The following IPO13 variants were observed in gnomAD, a reference collection of about 807,000 sequenced individuals.
IPO13 encodes importin 13, also known as importin-13.
IPO13 carries 28 observed loss-of-function variants against 115.5 expected under a neutral mutation model. The ratio of observed to expected loss-of-function variants is 0.24; its 90% CI spans 0.18 to 0.33. The LOEUF (loss-of-function observed/expected upper bound fraction) is 0.33. Among genes scored for constraint, IPO13 ranks in the 10% least tolerant of loss-of-function variants. IPO13 has a pLI of 1.00. For synonymous variants in IPO13, 414 were observed against 478.9 expected (o/e 0.86, Z 1.77); for missense variants, 785 against 1,204.6 (o/e 0.65, Z 5.16).
chr1:43,966,301 A>T lies in IPO13; in HGVS notation c.2398-274A>T. 1 of 551,814 alleles carries T rather than the reference A, an allele frequency of 1.8e-6. No homozygotes were observed. The highest frequency in any genetic ancestry group is 3.1e-5 in the Admixed American group (1 of 32,458). The allele number at this position is 551,814 out of a possible 1,614,324, so 34.2% of individuals were successfully genotyped here. ...GGAGGGGGAGGGAAAGGTGTCTGGA[A>T]CCCAAACTTTCTGCATTATGATCCC... On this transcript the variant is annotated intron_variant, in intron 15 of 19. Transcript: ENST00000372343. This position sits in a 1 kb window ranked among gnomAD's most constrained non-coding sequence, Gnocchi z 4.1.
intron 15 of IPO13, among the ~76,000 whole-genome samples, chr1:43,964,746 TG>T (rs1308828275): frequency 3.9e-5 from 6 of 152,262 alleles, no homozygotes; most frequent in Non-Finnish European, 7.4e-5. Context: ...AGAGGTAGGC[TG>T]GGAGCAGCTC....
Position 43,967,122 on chromosome 1 carries a change from A to G in IPO13, c.2613+103A>G. The G allele has an allele frequency of 8.3e-7, 1 of 1,210,668 alleles. No individual in the cohort carries two copies. The highest frequency in any genetic ancestry group is 1.2e-6 in the Non-Finnish European group (1 of 824,454). The allele number at this position is 1,210,668 out of a possible 1,614,324, so 75.0% of individuals were successfully genotyped here. A position where few individuals can be genotyped will look rare whatever the true frequency, so the allele number is the denominator to read the frequency against. On this transcript the variant is annotated intron_variant, in intron 18 of 19. Coordinates refer to ENST00000372343, the MANE Select transcript of IPO13 (RefSeq NM_014652.4). The surrounding 1 kb of genome is among the most constrained non-coding windows in gnomAD (Gnocchi z 6.1). ...AGCCTTTGGTCCCCTAAGCTCTCAG[A>G]TTCTGTTTCTTCTTCAATTAAATGC... is the stretch of plus-strand genomic sequence containing the variant.
chr1:43,958,982 G>C lies in IPO13; in HGVS notation c.2028+93G>C. 1.4e-5 allele frequency: 18 copies of C among 1,250,940 alleles called. No individual in the cohort carries two copies. Among genetic ancestry groups the C allele is most frequent in the Non-Finnish European group, 2.1e-5 (18 of 877,804 alleles). The allele number at this position is 1,250,940 out of a possible 1,614,324, so 77.5% of individuals were successfully genotyped here. A position where few individuals can be genotyped will look rare whatever the true frequency, so the allele number is the denominator to read the frequency against. ...TGTCATTGTCACTCTTCAATTCTGT[G>C]GGTAATGTTGTCATTGTTCTCCCTG... On this transcript the variant is annotated intron_variant, in intron 11 of 19. Transcript: ENST00000372343. This position sits in a 1 kb window ranked among gnomAD's most constrained non-coding sequence, Gnocchi z 6.3.
chr1:43,956,552 C>G lies in IPO13; in HGVS notation c.963-8C>G, dbSNP rs2085250093. The G allele has an allele frequency of 1.2e-6, 2 of 1,614,080 alleles. No individual in the cohort carries two copies. The highest frequency in any genetic ancestry group is 1.7e-5 in the Admixed American group (1 of 60,014). On this transcript the variant is annotated splice_polypyrimidine_tract_variant and splice_region_variant and intron_variant, in intron 3 of 19. Transcript: ENST00000372343. The surrounding 1 kb of genome is among the most constrained non-coding windows in gnomAD (Gnocchi z 4.7). Reference sequence around the variant, plus strand: ...TGGAAAGGTAGAATGACCTGACTCTCTCCCCAGGGCCTTGCTGGACCAAGT... The same window carrying G: ...TGGAAAGGTAGAATGACCTGACTCTGTCCCCAGGGCCTTGCTGGACCAAGT...
At chr1:43,949,090 C>T (rs1272571505) in intron 1 of IPO13, among the ~76,000 whole-genome samples, 1 of 152,228 alleles carries the variant, frequency 6.6e-6, no homozygotes, top group East Asian at 1.9e-4. Flanking sequence ...TGAAGCTGTT[C>T]CTTCCACCTG....
rs1416783516 is a variant in IPO13 at position 43,966,782 on chromosome 1, T to G, written c.2523T>G (p.Phe841Leu). ...CTGTCAAGGCCTCCTGTGGCTTCTT[T>G]GTGAGTCCCATGCTGAACCCTGACC... ...APTVKASCGF[F>L]TELLPRCGEV... The change falls in exon 17 of 20, where the codon TTT (phenylalanine) becomes TTG (leucine). Residue 841 changes from phenylalanine (F) to leucine (L), a missense_variant and splice_region_variant. Around this residue, in one of 3 missense-constraint regions of IPO13, gnomAD observed 285 missense variants for 394.8 expected, o/e 0.72. Transcript: ENST00000372343. This position sits in a 1 kb window ranked among gnomAD's most constrained non-coding sequence, Gnocchi z 4.1. 1 of 1,614,094 alleles carries G rather than the reference T, an allele frequency of 6.2e-7. No individual in the cohort carries two copies. Among genetic ancestry groups the G allele is most frequent in the Admixed American group, 1.7e-5 (1 of 60,014 alleles).
Position 43,967,096 on chromosome 1 carries a change from G to C in IPO13, c.2613+77G>C. 1 of 1,375,574 alleles carries C rather than the reference G, an allele frequency of 7.3e-7. No homozygotes were observed. The allele number at this position is 1,375,574 out of a possible 1,614,324, so 85.2% of individuals were successfully genotyped here. A position where few individuals can be genotyped will look rare whatever the true frequency, so the allele number is the denominator to read the frequency against. On this transcript the variant is annotated intron_variant, in intron 18 of 19. Transcript: ENST00000372343. The surrounding 1 kb of genome is among the most constrained non-coding windows in gnomAD (Gnocchi z 6.1). ...AGGCAGCTGGCCTTCTGGGAGGCTT[G>C]AGCCTTTGGTCCCCTAAGCTCTCAG...
In IPO13 at chr1:43,956,555, C is replaced by T. The variant is rs1234850476; in HGVS notation, c.963-5C>T. The T allele has an allele frequency of 1.9e-6, 3 of 1,614,070 alleles. No individual in the cohort carries two copies. The highest frequency in any genetic ancestry group is 3.3e-5 in the Admixed American group (2 of 60,004). Reference sequence around the variant, plus strand: ...AAAGGTAGAATGACCTGACTCTCTCCCCAGGGCCTTGCTGGACCAAGTAGA... The same window carrying T: ...AAAGGTAGAATGACCTGACTCTCTCTCCAGGGCCTTGCTGGACCAAGTAGA... On this transcript the variant is annotated splice_polypyrimidine_tract_variant and splice_region_variant and intron_variant, in intron 3 of 19. Transcript: ENST00000372343. This position sits in a 1 kb window ranked among gnomAD's most constrained non-coding sequence, Gnocchi z 4.7.
chr1:43,949,300 C>A, intron 1 of IPO13, 117 bp from the exon 2 acceptor site: 1 of 1,127,092 alleles, frequency 8.9e-7, no homozygotes, highest in Non-Finnish European at 1.2e-6. Flanking sequence ...GCTCTCCCTG[C>A]TCAGCCCCCC....
In IPO13 at chr1:43,958,698, C is replaced by T; in HGVS notation, c.1885-48C>T. 1 of 1,613,104 alleles carries T rather than the reference C, an allele frequency of 6.2e-7. No individual in the cohort carries two copies. The highest frequency in any genetic ancestry group is 2.2e-5 in the East Asian group (1 of 44,856). ...GAGCTGAGGCTCAGTGATCTGGGGA[C>T]CAAACTGGGGCTGGGAGATCTGGAG... On this transcript the variant is annotated intron_variant, in intron 10 of 19. Transcript: ENST00000372343. The surrounding 1 kb of genome is among the most constrained non-coding windows in gnomAD (Gnocchi z 6.3).
rs2085177166 is a variant in IPO13, at chr1:43,947,702, TG to T, written c.84+21del. The T allele has an allele frequency of 6.3e-6, 8 of 1,262,128 alleles. No individual in the cohort carries two copies. The East Asian group carries it at 2.5e-4, about 40-fold the overall frequency. 78.2% of individuals were successfully genotyped at this position (1,262,128 alleles called of 1,614,324 possible). A position where few individuals can be genotyped will look rare whatever the true frequency, so the allele number is the denominator to read the frequency against. On this transcript the variant is annotated intron_variant, in intron 1 of 19. Coordinates refer to ENST00000372343, the MANE Select transcript of IPO13 (RefSeq NM_014652.4). ...TGGAGAAGGTATGAGGGCTCTGGGG[TG>T]GGCACTCCAGTGACAGAGCAGAAGT... is the stretch of plus-strand genomic sequence containing the variant.
In IPO13 at chr1:43,960,909, A is replaced by T; in HGVS notation, c.2143A>T (p.Thr715Ser). The T allele has an allele frequency of 3.1e-6, 5 of 1,614,130 alleles. No individual in the cohort carries two copies. The highest frequency in any genetic ancestry group is 4.2e-6 in the Non-Finnish European group (5 of 1,180,032). The change falls in exon 13 of 20, where the codon ACG becomes TCG. Residue 715 changes from threonine (T) to serine (S), a missense_variant. Thr to Ser is a moderately conservative substitution (Grantham distance 58). Coordinates refer to ENST00000372343, the MANE Select transcript of IPO13 (RefSeq NM_014652.4). ...CGCTATCTTTGAGAAGTCTGTTAAG[A>T]CGCTGCTGGATGACTTTGCCCCCAT... ...VCAIFEKSVK[T>S]LLDDFAPMVP...
At chr1:43,957,651 T>C (rs2085260464) in intron 7 of IPO13, 102 bp downstream of exon 7, 12 of 1,386,320 alleles carry the variant, frequency 8.7e-6, no homozygotes, top group Middle Eastern at 4.1e-4. Context: ...GAGAGCCACA[T>C]GCCTACACAC....
chr1:43,954,937 G>C (rs557563041), intron 2 of IPO13, among the ~76,000 whole-genome samples: 2 of 152,294 alleles, frequency 1.3e-5, no homozygotes, highest in South Asian at 4.1e-4. Flanking sequence ...GAATCAACTT[G>C]TCTAAGACTG....
rs777193192 is a variant in IPO13, at chr1:43,956,374, A to C, written c.876A>C (p.Gln292His). The C allele has an allele frequency of 1.2e-6, 2 of 1,614,188 alleles. No homozygotes were observed. Among genetic ancestry groups the C allele is most frequent in the South Asian group, 1.1e-5 (1 of 91,082 alleles). ...LIPLVLGLQE[Q>H]LRQAVQNGDM... ...CGCTGGTGCTGGGTCTGCAGGAACA[A>C]CTGCGGCAGGCAGTGCAGAATGGGG... Residue 292 changes from glutamine to histidine, a missense_variant, in exon 3 of 20, where the codon CAA becomes CAC. By Grantham distance (24) the Gln-to-His change is conservative. Around this residue, in one of 3 missense-constraint regions of IPO13, gnomAD observed 325 missense variants for 449.8 expected, o/e 0.72. Transcript: ENST00000372343. This position sits in a 1 kb window ranked among gnomAD's most constrained non-coding sequence, Gnocchi z 4.7.
Position 43,958,217 on chromosome 1 carries a change from C to A in IPO13, c.1723-25C>A. 6.2e-7 allele frequency: 1 copy of A among 1,614,182 alleles called. No individual in the cohort carries two copies. The highest frequency in any genetic ancestry group is 8.5e-7 in the Non-Finnish European group (1 of 1,180,022). ...GAGCACACTCTGCACTGTGCTGATA[C>A]TACATTCCTTCTTTCTCCCCTCAGG... On this transcript the variant is annotated intron_variant, in intron 8 of 19. Transcript: ENST00000372343. This position sits in a 1 kb window ranked among gnomAD's most constrained non-coding sequence, Gnocchi z 6.3.
In IPO13 at chr1:43,958,920, T is replaced by A. The variant is rs776427356; in HGVS notation, c.2028+31T>A. ...TGACATTTGCCCACGGCAAAGACATTTGTCTTTGCCATCCCCCCAACCCCC... is the reference window on the plus strand; with the variant it reads ...TGACATTTGCCCACGGCAAAGACATATGTCTTTGCCATCCCCCCAACCCCC... On this transcript the variant is annotated intron_variant, in intron 11 of 19. Coordinates refer to ENST00000372343, the MANE Select transcript of IPO13 (RefSeq NM_014652.4). The surrounding 1 kb of genome is among the most constrained non-coding windows in gnomAD (Gnocchi z 6.3). 6 of 1,601,638 alleles carry A rather than the reference T, an allele frequency of 3.7e-6. No individual in the cohort carries two copies. Among genetic ancestry groups the A allele is most frequent in the Non-Finnish European group, 4.3e-6 (5 of 1,169,570 alleles).
rs2085271173 is a variant in IPO13, at chr1:43,958,943, C to G, written c.2028+54C>G. 1.3e-6 allele frequency: 2 copies of G among 1,541,442 alleles called. No homozygotes were observed. The highest frequency in any genetic ancestry group is 1.8e-6 in the Non-Finnish European group (2 of 1,118,468). ...ATTTGTCTTTGCCATCCCCCCAACC[C>G]CCACCTGTGGGAATGTCATTGTCAC... On this transcript the variant is annotated intron_variant, in intron 11 of 19. Transcript: ENST00000372343. This position sits in a 1 kb window ranked among gnomAD's most constrained non-coding sequence, Gnocchi z 6.3.
rs765942417 is a variant in IPO13, at chr1:43,966,517, G to C, written c.2398-58G>C. The C allele has an allele frequency of 4.9e-5, 76 of 1,546,070 alleles. No homozygotes were observed. Among genetic ancestry groups the C allele is most frequent in the South Asian group, 4.8e-4 (43 of 89,522 alleles). On this transcript the variant is annotated intron_variant, in intron 15 of 19. Coordinates refer to ENST00000372343, the MANE Select transcript of IPO13 (RefSeq NM_014652.4). This position sits in a 1 kb window ranked among gnomAD's most constrained non-coding sequence, Gnocchi z 4.1. ...TTGGGGGCTGGGGTGGCAGGTGAGT[G>C]GGGGGGATGGTCCTTGGAGCTGGCT...
Sources: allele counts gnomAD v4.1 joint callset (sites outside exome capture counted in the v4.1 genomes callset), GRCh38; gene constraint gnomAD v4.1.1; regional missense constraint gnomAD v4.1.1; non-coding constraint Gnocchi (gnomAD v3.1); transcripts MANE v1.5; gene names NCBI Gene and HGNC (gene_info 2026-07-23, HGNC 2026-07-21).